The following PPARGC1A variants were observed in gnomAD, a reference collection of about 807,000 sequenced individuals.
PPARGC1A encodes PPARG coactivator 1 alpha.
In PPARGC1A, 25 loss-of-function variants were observed where a neutral mutation model predicts 88.7. That is an observed-to-expected ratio of 0.28 (90% CI 0.21 to 0.39). The LOEUF (loss-of-function observed/expected upper bound fraction) is 0.39, where lower values mean the gene tolerates loss of function less well. PPARGC1A is among the 10% of genes least tolerant of loss of function. The pLI, the probability that PPARGC1A is intolerant of heterozygous loss-of-function variation, is 1.00. For missense variants in PPARGC1A, 880 were observed against 968.7 expected (o/e 0.91, Z 1.22); for synonymous variants, 363 against 355.6 (o/e 1.02, Z -0.24).
the PPARGC1A span, among the ~76,000 whole-genome samples, chr4:24,206,481 C>G: frequency 6.6e-6 from 1 of 152,150 alleles, no homozygotes; most frequent in Non-Finnish European, 1.5e-5. Context: ...AGTATTGTCT[C>G]AACTGTCCTA....
the PPARGC1A span, among the ~76,000 whole-genome samples, chr4:23,975,618 AT>A: frequency 2.0e-5 from 3 of 152,096 alleles, no homozygotes; most frequent in Non-Finnish European, 4.4e-5. Flanking sequence ...GGGTTTCACG[AT>A]GTTGGCCAGG....
At chr4:24,001,779 CT>C in the PPARGC1A span, among the ~76,000 whole-genome samples, 1 of 152,118 alleles carries the variant, frequency 6.6e-6, no homozygotes, top group Admixed American at 6.6e-5. Flanking sequence ...AGAGAGCTAA[CT>C]CCATGTGACA....
At chr4:24,179,673 C>T in the PPARGC1A span, among the ~76,000 whole-genome samples, 3 of 152,132 alleles carry the variant, frequency 2.0e-5, no homozygotes, top group Admixed American at 6.5e-5. Flanking sequence ...GAGACAAGCC[C>T]AAATTGCAAA....
chr4:24,323,334 C>T, the PPARGC1A span, among the ~76,000 whole-genome samples: 1 of 152,238 alleles, frequency 6.6e-6, no homozygotes, highest in Admixed American at 6.5e-5. Context: ...GTGACTTGCA[C>T]ATATACGCCC....
chr4:24,332,849 G>A, the PPARGC1A span, among the ~76,000 whole-genome samples: 1 of 152,194 alleles, frequency 6.6e-6, no homozygotes, highest in East Asian at 1.9e-4. Flanking sequence ...CTGAGTCTCA[G>A]TTTCCTCAAC....
intron 2 of PPARGC1A, among the ~76,000 whole-genome samples, chr4:23,832,723 C>T (rs1725261964): frequency 6.6e-6 from 1 of 151,484 alleles, no homozygotes; most frequent in South Asian, 2.1e-4. Context: ...CATTCTCCTG[C>T]CTCAGCCTCC....
At chr4:23,861,841 C>A (rs1731268562) in intron 2 of PPARGC1A, among the ~76,000 whole-genome samples, 2 of 152,272 alleles carry the variant, frequency 1.3e-5, no homozygotes, top group South Asian at 4.1e-4. Flanking sequence ...AGTTATATTC[C>A]TCACTAAAGT....
the PPARGC1A span, among the ~76,000 whole-genome samples, chr4:24,430,525 G>T: frequency 2.0e-5 from 3 of 151,810 alleles, no homozygotes; most frequent in African/African-American, 7.3e-5. Flanking sequence ...CCTCCCAAAG[G>T]GCTAGGATTA....
At chr4:24,264,148 A>C in the PPARGC1A span, among the ~76,000 whole-genome samples, 1 of 152,198 alleles carries the variant, frequency 6.6e-6, no homozygotes, top group South Asian at 2.1e-4. Context: ...TGTTTATGTG[A>C]TCAATAAAGC....
the PPARGC1A span, among the ~76,000 whole-genome samples, chr4:24,216,140 C>T: frequency 8.7e-6 from 1 of 114,656 alleles, no homozygotes; most frequent in Non-Finnish European, 1.7e-5. Context: ...TTGCAGCTAA[C>T]TCTTTTTTTT....
chr4:23,908,426 A>G (rs946171574), upstream of PPARGC1A, among the ~76,000 whole-genome samples: 1 of 152,126 alleles, frequency 6.6e-6, no homozygotes, highest in Admixed American at 6.5e-5. Context: ...TTGGTGACAT[A>G]GGAGAGAAGA....
chr4:24,084,382 G>T, the PPARGC1A span, among the ~76,000 whole-genome samples: 1 of 152,250 alleles, frequency 6.6e-6, no homozygotes, highest in African/African-American at 2.4e-5. Flanking sequence ...ACAGCCGCAG[G>T]CTGGTTTCAT....
chr4:24,294,951 C>CT, the PPARGC1A span, among the ~76,000 whole-genome samples: 8 of 152,204 alleles, frequency 5.3e-5, no homozygotes, highest in Non-Finnish European at 4.4e-5. Context: ...CTCTGTGGCC[C>CT]TCACCAGCAT....
chr4:23,840,296 G>T (rs1457122326), intron 2 of PPARGC1A, among the ~76,000 whole-genome samples: 1 of 151,954 alleles, frequency 6.6e-6, no homozygotes, highest in African/African-American at 2.4e-5. Flanking sequence ...TGGAATGTAT[G>T]GTGGCCCTAC....
chr4:23,849,518 C>A (rs549766128), intron 2 of PPARGC1A, among the ~76,000 whole-genome samples: 1 of 151,994 alleles, frequency 6.6e-6, no homozygotes, highest in South Asian at 2.1e-4. Context: ...TTTAAAAAAT[C>A]AAAAACCACT....
At chr4:24,250,179 C>T in the PPARGC1A span, among the ~76,000 whole-genome samples, 29 of 152,292 alleles carry the variant, frequency 1.9e-4, no homozygotes, top group South Asian at 3.7e-3. Context: ...AGGGCAGGCA[C>T]GCCACACCCA....
At chr4:23,826,218 C>T (rs112202002) in intron 5 of PPARGC1A, among the ~76,000 whole-genome samples, 3,451 of 152,130 alleles carry the variant, frequency 0.023, 68 homozygotes, top group Middle Eastern at 0.071. Context: ...GGGGACAGTC[C>T]CCAAACCACA....
At chr4:24,265,794 T>C in the PPARGC1A span, among the ~76,000 whole-genome samples, 7 of 151,608 alleles carry the variant, frequency 4.6e-5, no homozygotes, top group South Asian at 2.1e-4. Flanking sequence ...TAGAATTCAA[T>C]TGCAGAAAGA....
the PPARGC1A span, among the ~76,000 whole-genome samples, chr4:24,369,876 C>G: frequency 6.6e-6 from 1 of 152,212 alleles, no homozygotes; most frequent in African/African-American, 2.4e-5. Context: ...TCCTATGGCT[C>G]TATGTCACCT....
Sources: allele counts gnomAD v4.1 joint callset (sites outside exome capture counted in the v4.1 genomes callset), GRCh38; gene constraint gnomAD v4.1.1; transcripts MANE v1.5; gene names NCBI Gene and HGNC (gene_info 2026-07-23, HGNC 2026-07-21).